The following ACOT1 variants were observed in gnomAD, a reference collection of about 807,000 sequenced individuals.
ACOT1 encodes the protein acyl-coenzyme A thioesterase 1.
A neutral mutation model predicts 15.7 loss-of-function variants in ACOT1; 8 were observed. That is an observed-to-expected ratio of 0.51 (90% confidence interval 0.30 to 0.92). The LOEUF (loss-of-function observed/expected upper bound fraction) is 0.92. Among genes scored for constraint, ACOT1 ranks in the 40% least tolerant of loss-of-function variants. ACOT1 has a pLI of 0.06. For synonymous variants in ACOT1, 67 were observed against 241.2 expected, an observed-to-expected ratio of 0.28 and a Z score of 6.69; for missense variants, 151 against 539.4, an observed-to-expected ratio of 0.28 and a Z score of 7.13.
At chr14:73,493,196 C>A in the ACOT1 span, 1 of 1,205,930 alleles carries the variant, frequency 8.3e-7, no homozygotes, top group Non-Finnish European at 1.2e-6. Flanking sequence ...TTCAGAGCAC[C>A]AACTTCATCA....
chr14:73,491,762 T>G, the ACOT1 span: 21 of 1,565,206 alleles, frequency 1.3e-5, no homozygotes, highest in Non-Finnish European at 1.8e-5. Context: ...TGACCTGGAT[T>G]CGATGCTGCG....
chr14:73,499,132 T>C, the ACOT1 span: 8 of 1,613,962 alleles, frequency 5.0e-6, no homozygotes, highest in East Asian at 1.3e-4. Context: ...TCAGGAGGCA[T>C]TCAAGCACCT....
chr14:73,532,799 C>CA (rs1355460741), upstream of ACOT1, among the ~76,000 whole-genome samples: 1 of 111,630 alleles, frequency 9.0e-6, no homozygotes, highest in Non-Finnish European at 1.9e-5. Context: ...CTAAAACATA[C>CA]AAAAAAATTA....
chr14:73,522,781 G>A, the ACOT1 span: 1 of 1,614,024 alleles, frequency 6.2e-7, no homozygotes. Flanking sequence ...AGGGACTTGA[G>A]GAACCCAGGA....
At chr14:73,526,877 CT>C in the ACOT1 span, among the ~76,000 whole-genome samples, 1 of 152,100 alleles carries the variant, frequency 6.6e-6, no homozygotes, top group African/African-American at 2.4e-5. Context: ...GCACTGCCAT[CT>C]GTGGTGGCCA....
At chr14:73,498,138 A>G in the ACOT1 span, 1 of 1,590,870 alleles carries the variant, frequency 6.3e-7, no homozygotes, top group Non-Finnish European at 8.6e-7. Context: ...GGTGGGAGCC[A>G]GAGGTTTAGT....
At chr14:73,493,791 T>C in the ACOT1 span, among the ~76,000 whole-genome samples, 1 of 152,268 alleles carries the variant, frequency 6.6e-6, no homozygotes, top group Admixed American at 6.5e-5. Context: ...TGAGCTGAGA[T>C]CATGCCACTG....
chr14:73,501,125 T>A, the ACOT1 span, among the ~76,000 whole-genome samples: 2 of 152,210 alleles, frequency 1.3e-5, no homozygotes, highest in Non-Finnish European at 2.9e-5. Context: ...TTATTTATTT[T>A]ATTATTTTTT....
chr14:73,522,274 G>C, the ACOT1 span: 2 of 1,613,644 alleles, frequency 1.2e-6, no homozygotes, highest in Non-Finnish European at 1.7e-6. Flanking sequence ...CAGTATACCT[G>C]TAGTAAACGG....
chr14:73,512,550 T>TTGTA, the ACOT1 span, among the ~76,000 whole-genome samples: 2 of 152,168 alleles, frequency 1.3e-5, no homozygotes, highest in Non-Finnish European at 2.9e-5. Context: ...GATTTCTTAT[T>TTGTA]TGTAATACAG....
chr14:73,508,086 A>T, the ACOT1 span: 1 of 1,560,276 alleles, frequency 6.4e-7, no homozygotes. Context: ...GACCTCAAAG[A>T]CCTAATTGCT....
the ACOT1 span, chr14:73,491,348 G>A: frequency 1.4e-6 from 2 of 1,437,776 alleles, no homozygotes; most frequent in African/African-American, 1.5e-5. Flanking sequence ...GGCCTCGCCC[G>A]CCGCGCGCTC....
the ACOT1 span, chr14:73,514,244 G>A: frequency 2.5e-6 from 4 of 1,612,796 alleles, no homozygotes; most frequent in East Asian, 2.2e-5. Flanking sequence ...GCTGTGCAAC[G>A]TGGCAGTGTG....
the ACOT1 span, chr14:73,522,191 C>G: frequency 3.5e-6 from 5 of 1,412,894 alleles, no homozygotes; most frequent in African/African-American, 7.1e-5. Flanking sequence ...ATTCTGAAAT[C>G]GGGAGTGTGA....
chr14:73,494,135 T>C, the ACOT1 span, among the ~76,000 whole-genome samples: 1 of 152,194 alleles, frequency 6.6e-6, no homozygotes, highest in Non-Finnish European at 1.5e-5. Flanking sequence ...CTTTCCACTC[T>C]CATTTTTATT....
At chr14:73,510,901 T>C in the ACOT1 span, among the ~76,000 whole-genome samples, 1 of 152,252 alleles carries the variant, frequency 6.6e-6, no homozygotes, top group Non-Finnish European at 1.5e-5. Context: ...CTGCCTGTTA[T>C]AAGTTACAGT....
the ACOT1 span, chr14:73,491,078 A>C: frequency 6.3e-7 from 1 of 1,597,528 alleles, no homozygotes; most frequent in Non-Finnish European, 8.5e-7. Context: ...GCGCCGGCGC[A>C]AGCCCCAGCC....
the ACOT1 span, chr14:73,492,076 T>C: frequency 1.2e-6 from 2 of 1,613,818 alleles, no homozygotes; most frequent in East Asian, 2.2e-5. This position sits in a 1 kb window ranked among gnomAD's most constrained non-coding sequence, Gnocchi z 4.9. Flanking sequence ...AGCTGGAAGG[T>C]AGGAAACTCT....
the ACOT1 span, chr14:73,522,607 A>C: frequency 6.2e-7 from 1 of 1,614,072 alleles, no homozygotes; most frequent in East Asian, 2.2e-5. Context: ...CCAGGTTCAC[A>C]TCTAGAGAAG....
Sources: gnomAD v4.1 joint callset for allele counts (sites outside exome capture counted in the v4.1 genomes callset) on GRCh38, gnomAD v4.1.1 for gene constraint, Gnocchi (gnomAD v3.1) non-coding constraint, MANE v1.5 for transcripts, NCBI Gene and HGNC (gene_info 2026-07-23, HGNC 2026-07-21) for gene names.